FGF12: variants seen among roughly 807,000 people sequenced by gnomAD.
FGF12 encodes fibroblast growth factor 12.
Under a neutral mutation model 23.6 loss-of-function variants are expected in FGF12, and 14 were observed. That is an observed-to-expected ratio of 0.59 (90% CI 0.39 to 0.93). FGF12 has a LOEUF of 0.93. FGF12 is among the 40% of genes least tolerant of loss of function. The probability of loss-of-function intolerance (pLI) is 0.00; values close to 1 mark genes in which losing one functional copy is unlikely to be tolerated. For synonymous variants in FGF12, 62 were observed against 77.3 expected, an observed-to-expected ratio of 0.80 and a Z score of 1.04; for missense variants, 175 against 217.8, an observed-to-expected ratio of 0.80 and a Z score of 1.24.
At chr3:192,714,684 A>G (rs1278288496) in intron 2 of FGF12, among the ~76,000 whole-genome samples, 1 of 151,676 alleles carries the variant, frequency 6.6e-6, no homozygotes, top group East Asian at 1.9e-4. Flanking sequence ...ACGTCCGGCT[A>G]ATTTTTTGTA....
At chr3:192,264,546 G>A (rs1007921061) in intron 4 of FGF12, among the ~76,000 whole-genome samples, 11 of 152,008 alleles carry the variant, frequency 7.2e-5, no homozygotes, top group Non-Finnish European at 1.2e-4. Flanking sequence ...TAATTTAAAT[G>A]ATTTATTTTC....
At chr3:192,287,640 C>T (rs753346705) in intron 4 of FGF12, among the ~76,000 whole-genome samples, 9 of 151,984 alleles carry the variant, frequency 5.9e-5, no homozygotes, top group East Asian at 3.9e-4. Flanking sequence ...GATTGCAAAA[C>T]CTTCAGTGAC....
intron 5 of FGF12, among the ~76,000 whole-genome samples, chr3:192,164,582 C>A (rs1715056447): frequency 6.6e-6 from 1 of 152,038 alleles, no homozygotes; most frequent in Non-Finnish European, 1.5e-5. Context: ...GGGATAAAGG[C>A]AGACATATGT....
At chr3:192,265,999 A>G (rs1040119575) in intron 4 of FGF12, among the ~76,000 whole-genome samples, 10 of 152,194 alleles carry the variant, frequency 6.6e-5, no homozygotes, top group Admixed American at 2.0e-4. Flanking sequence ...TTCATTTAGC[A>G]GACTGTTTTG....
At chr3:192,292,294 C>T (rs573835925) in intron 4 of FGF12, among the ~76,000 whole-genome samples, 1 of 151,432 alleles carries the variant, frequency 6.6e-6, no homozygotes, top group Non-Finnish European at 1.5e-5. Flanking sequence ...GAATACCAAA[C>T]AATTTTTTTT....
chr3:192,360,804 T>G lies in FGF12; in HGVS notation c.14-266A>C. ...GAAAATACAGAGACATGCTAAAAAG[T>G]GAGTTATTTTCCTCCTTTGTGCATC... On this transcript the variant is annotated intron_variant, in intron 2 of 5. Transcript: ENST00000445105. The surrounding 1 kb of genome is among the most constrained non-coding windows in gnomAD (Gnocchi z 4.3). The G allele has an allele frequency of 2.3e-6, 1 of 441,290 alleles. No individual in the cohort carries two copies. Among genetic ancestry groups the G allele is most frequent in the East Asian group, 4.3e-5 (1 of 23,308 alleles). The allele number at this position is 441,290 out of a possible 1,614,324, so 27.3% of individuals were successfully genotyped here.
chr3:192,156,606 T>A (rs1222458664), intron 5 of FGF12, among the ~76,000 whole-genome samples: 1 of 152,012 alleles, frequency 6.6e-6, no homozygotes, highest in Non-Finnish European at 1.5e-5. Flanking sequence ...ATAAACAATG[T>A]TATTTCCCTT....
chr3:192,454,632 G>C (rs7620986), intron 2 of FGF12, among the ~76,000 whole-genome samples: 20,917 of 152,192 alleles, frequency 0.14, 1,696 homozygotes, highest in African/African-American at 0.23. Flanking sequence ...ACACAGCAAG[G>C]TGTCAAAGGC....
chr3:192,290,424 A>G (rs7631292), intron 4 of FGF12, among the ~76,000 whole-genome samples: 52,245 of 152,008 alleles, frequency 0.34, 10,040 homozygotes, highest in East Asian at 0.89. Context: ...ATAAAGGCGT[A>G]GGAGCTTTTC....
chr3:192,408,460 G>A lies in FGF12; in HGVS notation c.14-47922C>T, dbSNP rs1424576905. 3 of 1,356,026 alleles carry A rather than the reference G, an allele frequency of 2.2e-6. No homozygotes were observed. The highest frequency in any genetic ancestry group is 7.0e-5 in the Admixed American group (2 of 28,404). The allele number at this position is 1,356,026 out of a possible 1,614,324, so 84.0% of individuals were successfully genotyped here. ...TAAACTTCCCCAACCTCTGGCGGCC[G>A]GGGGGCGGGGCGGGGCGGTCCCAGG... On this transcript the variant is annotated intron_variant, in intron 2 of 5. Coordinates refer to ENST00000445105, the MANE Select transcript of FGF12 (RefSeq NM_004113.6). This position sits in a 1 kb window ranked among gnomAD's most constrained non-coding sequence, Gnocchi z 7.3.
At position 192,522,394 on chromosome 3, in the gene FGF12, A is replaced by G. The variant is rs187131010; in HGVS notation, c.14-161856T>C. Among the ~76,000 whole-genome samples the G allele has an allele frequency of 1.5e-3, 222 of 152,328 alleles. 1 individual carries two copies. The highest frequency in any genetic ancestry group is 2.3e-3 in the Non-Finnish European group (159 of 68,034). On this transcript the variant is annotated intron_variant, in intron 2 of 5. Transcript: ENST00000445105. The stretch of plus-strand genomic sequence containing the variant: ...CAGATTCACACATGAAATAATATAT[A>G]TAATCCAAAATCAAATATTAATACC...
At chr3:192,583,972 C>T (rs1713267681) in intron 2 of FGF12, among the ~76,000 whole-genome samples, 1 of 152,084 alleles carries the variant, frequency 6.6e-6, no homozygotes, top group South Asian at 2.1e-4. Context: ...AGCTCATAAT[C>T]TTCTTTAGAA....
chr3:192,298,511 G>A (rs924442965), intron 4 of FGF12, among the ~76,000 whole-genome samples: 1 of 152,132 alleles, frequency 6.6e-6, no homozygotes, highest in African/African-American at 2.4e-5. Flanking sequence ...CCAGCATTTC[G>A]GGAGGCCGAG....
intron 2 of FGF12, among the ~76,000 whole-genome samples, chr3:192,639,108 A>G (rs1204030640): frequency 6.6e-6 from 1 of 152,238 alleles, no homozygotes; most frequent in African/African-American, 2.4e-5. Context: ...CAATAGTAGA[A>G]AAACAAATAA....
In FGF12 at chr3:192,342,683, G is replaced by A. The variant is rs60150129; in HGVS notation, c.125-7219C>T. Among the ~76,000 whole-genome samples the A allele has an allele frequency of 9.1e-3, 1,380 of 152,134 alleles. 19 individuals carry two copies. Among genetic ancestry groups the A allele is most frequent in the African/African-American group, 0.031 (1,304 of 41,506 alleles). ...CCCAGCTACTTGGGAGGCTGAGGTCGGAGGATAGCCTGCACCCAGGAATTC... is the reference window on the plus strand; with the variant it reads ...CCCAGCTACTTGGGAGGCTGAGGTCAGAGGATAGCCTGCACCCAGGAATTC... On this transcript the variant is annotated intron_variant, in intron 3 of 5. Transcript: ENST00000445105.
intron 2 of FGF12, among the ~76,000 whole-genome samples, chr3:192,564,519 A>T (rs1483752737): frequency 6.6e-6 from 1 of 152,188 alleles, no homozygotes; most frequent in Non-Finnish European, 1.5e-5. Flanking sequence ...GTGATATGTG[A>T]TATGTCTAAT....
intron 5 of FGF12, among the ~76,000 whole-genome samples, chr3:192,169,833 C>CGG (rs1295809397): frequency 3.5e-5 from 3 of 85,104 alleles, no homozygotes; most frequent in Admixed American, 3.4e-4. Flanking sequence ...TCGGTTTCCT[C>CGG]AGAAAAAAAA....
At chr3:192,565,976 C>T (rs1320874988) in intron 2 of FGF12, among the ~76,000 whole-genome samples, 1 of 152,056 alleles carries the variant, frequency 6.6e-6, no homozygotes, top group Non-Finnish European at 1.5e-5. Context: ...AACCCAGCTA[C>T]TCGGGAGGCT....
intron 4 of FGF12, among the ~76,000 whole-genome samples, chr3:192,237,855 C>A (rs141657836): frequency 1.4e-3 from 215 of 152,264 alleles, no homozygotes; most frequent in African/African-American, 5.0e-3. Flanking sequence ...GGTTAAGAAC[C>A]ATTGCTGGGG....
Sources: gnomAD v4.1 joint callset for allele counts (sites outside exome capture counted in the v4.1 genomes callset) on GRCh38, gnomAD v4.1.1 for gene constraint, Gnocchi (gnomAD v3.1) non-coding constraint, MANE v1.5 for transcripts, NCBI Gene and HGNC (gene_info 2026-07-23, HGNC 2026-07-21) for gene names.